Variants in HRH4 observed in about 807,000 individuals in gnomAD.
HRH4 encodes histamine H4 receptor.
In HRH4, 12 loss-of-function variants were observed where a neutral mutation model predicts 10.4. That is an observed-to-expected ratio of 1.15 (90% confidence interval 0.74 to 1.87). The LOEUF is 1.87. Among genes scored for constraint, HRH4 ranks in the 40% most tolerant of loss-of-function variants. HRH4 has a pLI of 0.00. For synonymous variants in HRH4, 154 were observed against 166.6 expected (o/e 0.92, Z 0.58); for missense variants, 415 against 453.3 (o/e 0.92, Z 0.77).
intron 1 of HRH4, among the ~76,000 whole-genome samples, chr18:24,463,841 A>T (rs899833904): frequency 6.6e-6 from 1 of 152,154 alleles, no homozygotes; most frequent in African/African-American, 2.4e-5. Context: ...ATATAAATAC[A>T]CCTCATCTGT....
chr18:24,465,445 G>A (rs1389588699), intron 1 of HRH4, among the ~76,000 whole-genome samples: 1 of 152,110 alleles, frequency 6.6e-6, no homozygotes, highest in Non-Finnish European at 1.5e-5. Context: ...TGGAGTGATT[G>A]AGGGGTGAGA....
intron 1 of HRH4, among the ~76,000 whole-genome samples, chr18:24,461,933 T>C (rs1407819621): frequency 6.6e-6 from 1 of 152,158 alleles, no homozygotes; most frequent in East Asian, 1.9e-4. Context: ...GTTTTTGATG[T>C]AGAAGAGTGG....
intron 2 of HRH4, among the ~76,000 whole-genome samples, chr18:24,476,464 A>AAACT (rs1366586623): frequency 6.6e-6 from 1 of 152,196 alleles, no homozygotes; most frequent in Non-Finnish European, 1.5e-5. Flanking sequence ...CAATTAGGAA[A>AAACT]AACTGCTTTC....
chr18:24,472,162 C>T (rs1042915003), intron 2 of HRH4, among the ~76,000 whole-genome samples: 5 of 152,150 alleles, frequency 3.3e-5, no homozygotes, highest in Non-Finnish European at 7.3e-5. Context: ...TCTTGTGCCT[C>T]AGCCTCCTGA....
chr18:24,473,276 G>A (rs1910030366), intron 2 of HRH4, among the ~76,000 whole-genome samples: 1 of 152,226 alleles, frequency 6.6e-6, no homozygotes, highest in Non-Finnish European at 1.5e-5. Flanking sequence ...TCATGGCTGG[G>A]AGGACACGCT....
intron 2 of HRH4, among the ~76,000 whole-genome samples, chr18:24,474,766 A>C (rs919596826): frequency 4.0e-5 from 6 of 151,776 alleles, no homozygotes; most frequent in Non-Finnish European, 8.8e-5. Context: ...GGTTCACTGA[A>C]ACCTCTGCCT....
At position 24,468,967 on chromosome 18, in the gene HRH4, A is replaced by T; in HGVS notation, c.357+16A>T. The T allele has an allele frequency of 1.3e-6, 2 of 1,576,184 alleles. No homozygotes were observed. Among genetic ancestry groups the T allele is most frequent in the Non-Finnish European group, 1.7e-6 (2 of 1,160,606 alleles). ...CTCAAATGCTGTAAGTCGAAACATT[A>T]ATTTATCCCCCTTAGAAGATTATGT... On this transcript the variant is annotated intron_variant, in intron 2 of 2. Coordinates refer to ENST00000256906, the MANE Select transcript of HRH4 (RefSeq NM_021624.4).
At chr18:24,467,690 T>C (rs1909813894) in intron 1 of HRH4, among the ~76,000 whole-genome samples, 2 of 152,116 alleles carry the variant, frequency 1.3e-5, no homozygotes, top group South Asian at 4.2e-4. Context: ...ATTACAGGCG[T>C]GCACCACCAT....
At chr18:24,473,176 T>C (rs751941644) in intron 2 of HRH4, among the ~76,000 whole-genome samples, 2 of 151,478 alleles carry the variant, frequency 1.3e-5, no homozygotes, top group South Asian at 4.2e-4. Context: ...TACAAAAAAG[T>C]ATACAGAATT....
intron 1 of HRH4, among the ~76,000 whole-genome samples, chr18:24,464,280 G>A (rs1352756808): frequency 6.6e-6 from 1 of 152,126 alleles, no homozygotes; most frequent in Non-Finnish European, 1.5e-5. Context: ...GCTTGCAGAC[G>A]GCTGCCGTCT....
intron 1 of HRH4, among the ~76,000 whole-genome samples, chr18:24,462,014 T>C (rs1273583732): frequency 6.6e-6 from 1 of 152,126 alleles, no homozygotes; most frequent in East Asian, 1.9e-4. Flanking sequence ...TAAGAAGTGC[T>C]ATGGTCACTT....
chr18:24,467,896 T>C (rs1212910921), intron 1 of HRH4, among the ~76,000 whole-genome samples: 1 of 152,098 alleles, frequency 6.6e-6, no homozygotes, highest in African/African-American at 2.4e-5. Flanking sequence ...GAAAGAATGA[T>C]GTTGGCAGAG....
chr18:24,474,891 G>A (rs1233924045), intron 2 of HRH4, among the ~76,000 whole-genome samples: 5 of 151,952 alleles, frequency 3.3e-5, no homozygotes, highest in Non-Finnish European at 7.4e-5. Context: ...TCACCATGTT[G>A]GCCAGGCTGG....
chr18:24,471,610 A>AAC (rs2144377030), intron 2 of HRH4, among the ~76,000 whole-genome samples: 1 of 56,068 alleles, frequency 1.8e-5, no homozygotes, highest in African/African-American at 5.9e-5. Flanking sequence ...CCATCTCAAA[A>AAC]AAAAAAAAAA....
At chr18:24,468,028 A>G (rs1218015601) in intron 1 of HRH4, among the ~76,000 whole-genome samples, 2 of 152,164 alleles carry the variant, frequency 1.3e-5, no homozygotes, top group Non-Finnish European at 2.9e-5. Context: ...CAAGACCTGT[A>G]CTTAATTTGG....
At chr18:24,461,774 T>C (rs1909647009) in intron 1 of HRH4, among the ~76,000 whole-genome samples, 1 of 152,028 alleles carries the variant, frequency 6.6e-6, no homozygotes, top group African/African-American at 2.4e-5. Context: ...CTTTTTTTTT[T>C]TTTTTTAATT....
chr18:24,460,755 T>C lies in HRH4; in HGVS notation c.27T>C (p.Asn9=), dbSNP rs774550739. 1 of 1,526,314 alleles carries C rather than the reference T, an allele frequency of 6.6e-7. No individual in the cohort carries two copies. The highest frequency in any genetic ancestry group is 1.3e-5 in the South Asian group (1 of 76,062). The allele number at this position is 1,526,314 out of a possible 1,614,324, so 94.5% of individuals were successfully genotyped here. A position where few individuals can be genotyped will look rare whatever the true frequency, so the allele number is the denominator to read the frequency against. The change falls in exon 1 of 3, where the codon AAT becomes AAC. Residue 9 remains asparagine (N), a synonymous_variant. Transcript: ENST00000256906. MPDTNSTI[N]LSLSTRVTLA... ...TGCCAGATACTAATAGCACAATCAATTTATCACTAAGCACTCGTGTTACTT... is the reference window on the plus strand; with the variant it reads ...TGCCAGATACTAATAGCACAATCAACTTATCACTAAGCACTCGTGTTACTT...
chr18:24,461,031 T>A, intron 1 of HRH4, 110 bp downstream of exon 1: 1 of 789,346 alleles, frequency 1.3e-6, no homozygotes, highest in Non-Finnish European at 1.9e-6. Context: ...TGGGGAAAAA[T>A]AAACACAAAA....
At position 24,477,736 on chromosome 18, in the gene HRH4, T is replaced by A. The variant is rs1910186131; in HGVS notation, c.*174T>A. ...TGACTTGATAATATTTTTGTAAACT[T>A]GTAGTCATAATAGTACTATATTCTT... On this transcript the variant is annotated 3_prime_UTR_variant, in exon 3 of 3. Coordinates refer to ENST00000256906, the MANE Select transcript of HRH4 (RefSeq NM_021624.4). 1.9e-6 allele frequency: 1 copy of A among 522,436 alleles called. No homozygotes were observed. The highest frequency in any genetic ancestry group is 3.4e-6 in the Non-Finnish European group (1 of 297,934). The allele number at this position is 522,436 out of a possible 1,614,324, so 32.4% of individuals were successfully genotyped here.
Sources: allele counts gnomAD v4.1 joint callset (sites outside exome capture counted in the v4.1 genomes callset), GRCh38; gene constraint gnomAD v4.1.1; transcripts MANE v1.5; gene names NCBI Gene and HGNC (gene_info 2026-07-23, HGNC 2026-07-21).